The following TCF7L1 variants were observed in gnomAD, a reference collection of about 807,000 sequenced individuals.
The protein encoded by TCF7L1 is transcription factor 7-like 1.
Under a neutral mutation model 63.7 loss-of-function variants are expected in TCF7L1, and 18 were observed. The ratio of observed to expected loss-of-function variants is 0.28; its 90% CI spans 0.20 to 0.42. The LOEUF (loss-of-function observed/expected upper bound fraction) is 0.42, where lower values mean the gene tolerates loss of function less well. Among genes scored for constraint, TCF7L1 ranks in the 10% least tolerant of loss-of-function variants. TCF7L1 has a pLI of 1.00. For synonymous variants in TCF7L1, 355 were observed against 340.9 expected (o/e 1.04, Z -0.46); for missense variants, 654 against 779.3 (o/e 0.84, Z 1.91).
chr2:85,216,696 C>T (rs1006654353), intron 3 of TCF7L1, among the ~76,000 whole-genome samples: 6 of 152,082 alleles, frequency 3.9e-5, no homozygotes, highest in African/African-American at 9.7e-5. Flanking sequence ...TAGCAATTAC[C>T]GAACAACTTC....
At position 85,309,412 on chromosome 2, in the gene TCF7L1, C is replaced by G; in HGVS notation, c.1717C>G (p.Pro573Ala). 1 of 1,579,678 alleles carries G rather than the reference C, an allele frequency of 6.3e-7. No individual in the cohort carries two copies. The highest frequency in any genetic ancestry group is 8.6e-7 in the Non-Finnish European group (1 of 1,162,296). The change falls in exon 12 of 12, where the codon CCG becomes GCG. Residue 573 changes from proline (P) to alanine (A), a missense_variant. Physicochemically the swap from Pro to Ala is conservative, Grantham distance 27. Coordinates refer to ENST00000282111, the MANE Select transcript of TCF7L1 (RefSeq NM_031283.3). ...PATLHAHQAL[P>A]VLQAQPLSLV... ...CACGCTCCATGCCCACCAGGCCCTCCCGGTGCTACAGGCCCAGCCTCTTTC... is the reference window on the plus strand; with the variant it reads ...CACGCTCCATGCCCACCAGGCCCTCGCGGTGCTACAGGCCCAGCCTCTTTC...
intron 3 of TCF7L1, among the ~76,000 whole-genome samples, chr2:85,222,427 T>G (rs1353449139): frequency 6.6e-6 from 1 of 150,830 alleles, no homozygotes; most frequent in African/African-American, 2.4e-5. Context: ...CCCAGCACTT[T>G]GGGAGGCCAC....
At chr2:85,190,863 T>C (rs1159854080) in intron 3 of TCF7L1, among the ~76,000 whole-genome samples, 1 of 152,172 alleles carries the variant, frequency 6.6e-6, no homozygotes, top group Non-Finnish European at 1.5e-5. Context: ...TTCCCATTTA[T>C]GGACGCAATA....
At chr2:85,185,273 T>A (rs1309539985) in intron 3 of TCF7L1, among the ~76,000 whole-genome samples, 1 of 151,894 alleles carries the variant, frequency 6.6e-6, no homozygotes, top group Non-Finnish European at 1.5e-5. Context: ...TTTTTTTTTT[T>A]AAGAGATGGT....
At chr2:85,219,305 C>T (rs1679789484) in intron 3 of TCF7L1, among the ~76,000 whole-genome samples, 1 of 152,062 alleles carries the variant, frequency 6.6e-6, no homozygotes, top group Non-Finnish European at 1.5e-5. Flanking sequence ...TAATAAATGA[C>T]ACATTTGCGT....
intron 4 of TCF7L1, among the ~76,000 whole-genome samples, chr2:85,284,972 G>A (rs112134288): frequency 0.045 from 6,851 of 152,284 alleles, 188 homozygotes; most frequent in African/African-American, 0.081. Context: ...AGTGGCTCAC[G>A]CCTGTAATCC....
At chr2:85,198,205 T>C (rs1468529026) in intron 3 of TCF7L1, among the ~76,000 whole-genome samples, 1 of 152,224 alleles carries the variant, frequency 6.6e-6, no homozygotes, top group African/African-American at 2.4e-5. Context: ...TATTAGCTTT[T>C]AGTAAAAGGC....
chr2:85,281,826 A>T (rs1681427811), intron 3 of TCF7L1, among the ~76,000 whole-genome samples: 1 of 152,136 alleles, frequency 6.6e-6, no homozygotes, highest in South Asian at 2.1e-4. Flanking sequence ...TTGAAAGCCC[A>T]GTCAGTCCCT....
intron 3 of TCF7L1, among the ~76,000 whole-genome samples, chr2:85,258,936 C>T (rs1256653813): frequency 2.6e-5 from 4 of 152,218 alleles, no homozygotes; most frequent in African/African-American, 9.7e-5. Context: ...TAGAATAGAG[C>T]CTTGCCCTGT....
At chr2:85,226,990 CTG>C (rs1679971130) in intron 3 of TCF7L1, among the ~76,000 whole-genome samples, 1 of 152,124 alleles carries the variant, frequency 6.6e-6, no homozygotes, top group South Asian at 2.1e-4. Context: ...CCGTTTTACC[CTG>C]TGACCCTGCA....
At chr2:85,219,730 G>GA (rs1283463673) in intron 3 of TCF7L1, among the ~76,000 whole-genome samples, 1 of 151,934 alleles carries the variant, frequency 6.6e-6, no homozygotes. Flanking sequence ...AAGAAAGAAA[G>GA]AAAAAATAAG....
chr2:85,139,156 G>A lies in TCF7L1; in HGVS notation c.441+4706G>A, dbSNP rs554060149. On this transcript the variant is annotated intron_variant, in intron 3 of 11. Coordinates refer to ENST00000282111, the MANE Select transcript of TCF7L1 (RefSeq NM_031283.3). ...CCTGAGTAGCTGGGATTACAGGTGC[G>A]TGCCACCACGCCCAGCCAATTTTTG... 3.7e-4 allele frequency among the ~76,000 whole-genome samples: 57 copies of A among 152,024 alleles called. No homozygotes were observed. In the South Asian group the frequency reaches 8.9e-3, roughly 24 times the overall value.
At chr2:85,257,197 G>C (rs1343058931) in intron 3 of TCF7L1, among the ~76,000 whole-genome samples, 1 of 151,994 alleles carries the variant, frequency 6.6e-6, no homozygotes, top group Non-Finnish European at 1.5e-5. Context: ...CTGGGCAACA[G>C]AACAAAATCC....
At chr2:85,241,437 G>GTTTTTTTTTTTTTT (rs772334481) in intron 3 of TCF7L1, among the ~76,000 whole-genome samples, 2 of 83,072 alleles carry the variant, frequency 2.4e-5, no homozygotes, top group Non-Finnish European at 5.1e-5. Context: ...CTTTGTTTTT[G>GTTTTTTTTTTTTTT]TTTTTTTTTT....
intron 3 of TCF7L1, among the ~76,000 whole-genome samples, chr2:85,209,522 G>A (rs1168228837): frequency 6.6e-6 from 1 of 152,148 alleles, no homozygotes; most frequent in Admixed American, 6.5e-5. Flanking sequence ...GAGCATCTTG[G>A]GTGAGAAGAG....
Position 85,283,522 on chromosome 2 carries a change from G to A in TCF7L1, c.469G>A (p.Asp157Asn), listed in dbSNP as rs774362181. 2.6e-5 allele frequency: 42 copies of A among 1,613,868 alleles called. No individual in the cohort carries two copies. The highest frequency in any genetic ancestry group is 9.4e-5 in the African/African-American group (7 of 74,844). ...TYLQMKWPLL[D>N]VPSSATVKDT... is the part of the protein sequence containing the mutation. ...CCTGCAGATGAAATGGCCCCTCCTC[G>A]ATGTCCCCTCCAGCGCCACAGTCAA... Residue 157 changes from aspartate to asparagine, a missense_variant, in exon 4 of 12, where the codon GAT (aspartate) becomes AAT (asparagine). Coordinates refer to ENST00000282111, the MANE Select transcript of TCF7L1 (RefSeq NM_031283.3).
chr2:85,192,990 G>A (rs991685939), intron 3 of TCF7L1, among the ~76,000 whole-genome samples: 4 of 152,112 alleles, frequency 2.6e-5, no homozygotes, highest in African/African-American at 9.7e-5. Context: ...TGCCCGCTCT[G>A]TCTTATCTAA....
intron 3 of TCF7L1, among the ~76,000 whole-genome samples, chr2:85,177,595 C>T (rs1352537315): frequency 1.3e-5 from 2 of 152,064 alleles, no homozygotes; most frequent in Non-Finnish European, 2.9e-5. Flanking sequence ...GTCCCAGCTA[C>T]TCGGGAGTCC....
At chr2:85,308,962 G>C in intron 11 of TCF7L1, 67 bp from the exon 12 acceptor site, 1 of 1,503,318 alleles carries the variant, frequency 6.7e-7, no homozygotes. Flanking sequence ...TATCGCCAGG[G>C]CTGTTCCTCA....
Sources: gnomAD v4.1 joint callset for allele counts (sites outside exome capture counted in the v4.1 genomes callset) on GRCh38, gnomAD v4.1.1 for gene constraint, MANE v1.5 for transcripts, NCBI Gene and HGNC (gene_info 2026-07-23, HGNC 2026-07-21) for gene names.